EPHA7: variants seen among roughly 807,000 people sequenced by gnomAD.
The protein encoded by EPHA7 is ephrin type-A receptor 7.
In EPHA7, 25 loss-of-function variants were observed where a neutral mutation model predicts 112.6. The observed-to-expected ratio is 0.22, with a 90% CI of 0.16 to 0.31. The LOEUF (loss-of-function observed/expected upper bound fraction) is 0.31, where lower values mean the gene tolerates loss of function less well. Among genes scored for constraint, EPHA7 ranks in the 10% least tolerant of loss-of-function variants. EPHA7 has a pLI of 1.00. For missense variants in EPHA7, 962 were observed against 1,212.6 expected, an observed-to-expected ratio of 0.79 and a Z score of 3.07; for synonymous variants, 437 against 406.5, an observed-to-expected ratio of 1.07 and a Z score of -0.90.
chr6:93,419,391 T>C lies in EPHA7; in HGVS notation c.-50A>G, dbSNP rs368774366. On this transcript the variant is annotated 5_prime_UTR_variant, in exon 1 of 17. Transcript: ENST00000369303. ...GGTTTCAGTTATCTTGAGTCGTGGA[T>C]TTTTAAATGCTGTTTGTTCCGAAGT... 7.1e-4 allele frequency: 1,042 copies of C among 1,464,574 alleles called. 7 individuals carry two copies. The highest frequency in any genetic ancestry group is 4.8e-3 in the South Asian group (417 of 86,790). The allele number at this position is 1,464,574 out of a possible 1,614,324, so 90.7% of individuals were successfully genotyped here.
chr6:93,362,821 T>C (rs1289939700), intron 3 of EPHA7, among the ~76,000 whole-genome samples: 17 of 152,144 alleles, frequency 1.1e-4, no homozygotes, highest in Non-Finnish European at 1.5e-5. Context: ...AGGGCACAGA[T>C]ACCCATACTT....
chr6:93,345,086 T>C (rs750496081), intron 5 of EPHA7, among the ~76,000 whole-genome samples: 1 of 151,796 alleles, frequency 6.6e-6, no homozygotes, highest in East Asian at 1.9e-4. Context: ...TATACATGTC[T>C]ATACACATAA....
intron 1 of EPHA7, among the ~76,000 whole-genome samples, chr6:93,415,176 A>C (rs1779164760): frequency 6.6e-6 from 1 of 151,974 alleles, no homozygotes; most frequent in Non-Finnish European, 1.5e-5. Flanking sequence ...CCAGTCATTA[A>C]TTTGTAACAT....
chr6:93,347,660 G>A (rs1775468274), intron 5 of EPHA7, among the ~76,000 whole-genome samples: 1 of 151,798 alleles, frequency 6.6e-6, no homozygotes, highest in African/African-American at 2.4e-5. Context: ...CAGTTCTGAG[G>A]GCTAGAAGTC....
At position 93,345,191 on chromosome 6, in the gene EPHA7, A is replaced by G. The variant is rs555846674; in HGVS notation, c.1324+11526T>C. On this transcript the variant is annotated intron_variant, in intron 5 of 16. Coordinates refer to ENST00000369303, the MANE Select transcript of EPHA7 (RefSeq NM_004440.4). ...AGTATTTGAATAATACAATAGTGAT[A>G]TGGCTTAACCAGTTTTGTTTTTATC... is the stretch of plus-strand genomic sequence containing the variant. 1.3e-3 allele frequency among the ~76,000 whole-genome samples: 202 copies of G among 151,840 alleles called. 1 individual carries two copies. The highest frequency in any genetic ancestry group is 2.5e-3 in the Non-Finnish European group (171 of 67,752).
chr6:93,342,634 A>G (rs1013560580), intron 5 of EPHA7, among the ~76,000 whole-genome samples: 1 of 151,774 alleles, frequency 6.6e-6, no homozygotes. Context: ...TGTGCTGTTA[A>G]TTCTTTATTG....
chr6:93,410,619 T>C lies in EPHA7; in HGVS notation c.714A>G (p.Ala238=), dbSNP rs781727337. Residue 238 remains alanine, a synonymous_variant, in exon 3 of 17, where the codon GCA becomes GCG. Coordinates refer to ENST00000369303, the MANE Select transcript of EPHA7 (RefSeq NM_004440.4). The surrounding 1 kb of genome is among the most constrained non-coding windows in gnomAD (Gnocchi z 4.0). ...TGGGGGCGTTTTCCGCTTCTTCCTC[T>C]GCACTGCTGACACATGTCCCTCGAA... ...VEVRGTCVSS[A]EEEAENAPRM... The C allele has an allele frequency of 3.1e-6, 5 of 1,613,998 alleles. No individual in the cohort carries two copies. The highest frequency in any genetic ancestry group is 4.2e-6 in the Non-Finnish European group (5 of 1,179,946).
chr6:93,413,396 A>G (rs1779071557), intron 2 of EPHA7, among the ~76,000 whole-genome samples: 1 of 151,922 alleles, frequency 6.6e-6, no homozygotes, highest in African/African-American at 2.4e-5. Context: ...TACTACAATC[A>G]TATATCAGTT....
chr6:93,249,397 A>T (rs1430682038), intron 14 of EPHA7, among the ~76,000 whole-genome samples: 2 of 152,194 alleles, frequency 1.3e-5, no homozygotes, highest in Non-Finnish European at 2.9e-5. Context: ...AATAAAAGTA[A>T]AAGTAATTTA....
At chr6:93,334,775 T>G (rs1040316351) in intron 5 of EPHA7, among the ~76,000 whole-genome samples, 1 of 152,002 alleles carries the variant, frequency 6.6e-6, no homozygotes, top group African/African-American at 2.4e-5. Flanking sequence ...GTTAAACGAG[T>G]GATGCAAATC....
At chr6:93,382,947 A>G (rs1777413785) in intron 3 of EPHA7, among the ~76,000 whole-genome samples, 1 of 152,158 alleles carries the variant, frequency 6.6e-6, no homozygotes, top group Non-Finnish European at 1.5e-5. Context: ...TTTTAGGGAA[A>G]GTGAGTATTT....
At position 93,410,452 on chromosome 6, in the gene EPHA7, C is replaced by G; in HGVS notation, c.832+49G>C. ...CTATTAAAGTTTAAAATGTCTGATA[C>G]TGAAATTTAAAAAGGCAAAGTGGAG... On this transcript the variant is annotated intron_variant, in intron 3 of 16. Coordinates refer to ENST00000369303, the MANE Select transcript of EPHA7 (RefSeq NM_004440.4). This position sits in a 1 kb window ranked among gnomAD's most constrained non-coding sequence, Gnocchi z 4.0. 6.6e-7 allele frequency: 1 copy of G among 1,512,318 alleles called. No homozygotes were observed. Among genetic ancestry groups the G allele is most frequent in the Non-Finnish European group, 9.0e-7 (1 of 1,112,304 alleles). The allele number at this position is 1,512,318 out of a possible 1,614,324, so 93.7% of individuals were successfully genotyped here. A position where few individuals can be genotyped will look rare whatever the true frequency, so the allele number is the denominator to read the frequency against.
At position 93,266,778 on chromosome 6, in the gene EPHA7, T is replaced by G. The variant is rs184225145; in HGVS notation, c.1634-2076A>C. Among the ~76,000 whole-genome samples the G allele has an allele frequency of 4.6e-5, 7 of 151,776 alleles. No homozygotes were observed. The East Asian group carries it at 1.4e-3, about 30-fold the overall frequency. The stretch of plus-strand genomic sequence containing the variant: ...CTGGACCATGCATTCCACCACTGCT[T>G]AATTGTGTGGCCAGAATCTGTGTAC... On this transcript the variant is annotated intron_variant, in intron 7 of 16. Transcript: ENST00000369303.
intron 5 of EPHA7, among the ~76,000 whole-genome samples, chr6:93,352,850 C>A (rs1775762732): frequency 6.6e-6 from 1 of 152,040 alleles, no homozygotes; most frequent in African/African-American, 2.4e-5. Flanking sequence ...AAACCAAATA[C>A]CACATGTTCT....
At chr6:93,404,340 C>T (rs1019692435) in intron 3 of EPHA7, among the ~76,000 whole-genome samples, 6 of 151,892 alleles carry the variant, frequency 4.0e-5, no homozygotes, top group African/African-American at 7.2e-5. Context: ...ATTTGTATCA[C>T]CTTTCAAGAT....
intron 9 of EPHA7, chr6:93,260,535 T>C (rs1412512097): frequency 4.2e-6 from 4 of 960,444 alleles, no homozygotes; most frequent in Non-Finnish European, 5.0e-6. Context: ...CATCAAATCT[T>C]ACTATTTGGA....
At chr6:93,333,834 T>C (rs1438898583) in intron 5 of EPHA7, among the ~76,000 whole-genome samples, 3 of 151,818 alleles carry the variant, frequency 2.0e-5, no homozygotes, top group African/African-American at 4.8e-5. Context: ...TGCTAAATGA[T>C]AGGAAAAAAT....
chr6:93,329,675 A>C (rs1052860513), intron 5 of EPHA7, among the ~76,000 whole-genome samples: 1 of 151,396 alleles, frequency 6.6e-6, no homozygotes, highest in Admixed American at 6.6e-5. Context: ...TAGTAACTTC[A>C]TTGATTTTCT....
chr6:93,341,826 T>C (rs1236049859), intron 5 of EPHA7, among the ~76,000 whole-genome samples: 1 of 151,892 alleles, frequency 6.6e-6, no homozygotes, highest in African/African-American at 2.4e-5. Context: ...TAATATCATT[T>C]TCATGATTAT....
Sources: allele counts gnomAD v4.1 joint callset (sites outside exome capture counted in the v4.1 genomes callset), GRCh38; gene constraint gnomAD v4.1.1; non-coding constraint Gnocchi (gnomAD v3.1); transcripts MANE v1.5; gene names NCBI Gene and HGNC (gene_info 2026-07-23, HGNC 2026-07-21).